The following RAD51B variants were observed in gnomAD, a reference collection of about 807,000 sequenced individuals.
The protein encoded by RAD51B is DNA repair protein RAD51 homolog 2.
A neutral mutation model predicts 42.2 loss-of-function variants in RAD51B; 38 were observed. The observed-to-expected ratio is 0.90, with a 90% CI of 0.70 to 1.18. The LOEUF is 1.18. Among genes scored for constraint, RAD51B ranks in the 50% most tolerant of loss-of-function variants. The pLI is 0.00. For synonymous variants in RAD51B, 154 were observed against 145.2 expected (o/e 1.06, Z -0.43); for missense variants, 373 against 400.7 (o/e 0.93, Z 0.59).
chr14:67,839,712 T>C (rs2041361833), intron 4 of RAD51B, among the ~76,000 whole-genome samples: 1 of 152,028 alleles, frequency 6.6e-6, no homozygotes, highest in Non-Finnish European at 1.5e-5. Context: ...TATCTCCTTT[T>C]ATTTAATTTT....
At chr14:68,201,150 T>G (rs939429123) in intron 7 of RAD51B, among the ~76,000 whole-genome samples, 4 of 152,230 alleles carry the variant, frequency 2.6e-5, no homozygotes, top group African/African-American at 9.6e-5. Context: ...TTGAAATTAT[T>G]TAAGAGAAAA....
At chr14:67,985,208 C>T (rs926089413) in intron 7 of RAD51B, among the ~76,000 whole-genome samples, 2 of 152,192 alleles carry the variant, frequency 1.3e-5, no homozygotes, top group Non-Finnish European at 2.9e-5. Context: ...GCCATATCTC[C>T]TCCTTGTCTT....
At chr14:68,602,166 C>T (rs371764344) in intron 10 of RAD51B, among the ~76,000 whole-genome samples, 74 of 152,146 alleles carry the variant, frequency 4.9e-4, no homozygotes, top group African/African-American at 9.9e-4. Context: ...TTCCGTGGGC[C>T]GCTCCAGCTC....
intron 10 of RAD51B, among the ~76,000 whole-genome samples, chr14:68,547,251 G>GATC (rs1888284589): frequency 2.0e-5 from 3 of 152,184 alleles, no homozygotes; most frequent in African/African-American, 7.2e-5. Context: ...CGTGAGTGCT[G>GATC]ATCATGACCT....
At chr14:68,384,361 T>G (rs1170374171) in intron 8 of RAD51B, among the ~76,000 whole-genome samples, 2 of 152,186 alleles carry the variant, frequency 1.3e-5, no homozygotes, top group African/African-American at 4.8e-5. Flanking sequence ...CAAGGCAGGA[T>G]TTCCCACAAT....
chr14:68,391,150 C>CTTTCTTTCTTTCTT (rs2083743183), intron 8 of RAD51B, among the ~76,000 whole-genome samples: 1 of 150,062 alleles, frequency 6.7e-6, no homozygotes, highest in African/African-American at 2.5e-5. Flanking sequence ...TTCTTTCTTT[C>CTTTCTTTCTTTCTT]TTTCTTTCTT....
Position 68,060,733 on chromosome 14 carries a change from GA to G in RAD51B, c.756+173535del, listed in dbSNP as rs968652651. Among the ~76,000 whole-genome samples the G allele has an allele frequency of 6.9e-4, 105 of 152,140 alleles. 1 individual carries two copies. Among genetic ancestry groups the G allele is most frequent in the African/African-American group, 2.5e-3 (105 of 41,536 alleles). On this transcript the variant is annotated intron_variant, in intron 7 of 10. Coordinates refer to ENST00000471583, the MANE Select transcript of RAD51B (RefSeq NM_133510.4). ...CTGGGCTTATGGTAACGTAATAGGGGAAAAAATGCTTTCAGTTAAAGTAATT... is the reference window on the plus strand; with the variant it reads ...CTGGGCTTATGGTAACGTAATAGGGGAAAAATGCTTTCAGTTAAAGTAATT...
intron 11 of RAD51B, among the ~76,000 whole-genome samples, chr14:68,682,291 T>A (rs968731480): frequency 6.6e-6 from 1 of 152,138 alleles, no homozygotes; most frequent in Non-Finnish European, 1.5e-5. Context: ...GCTAGTCAAC[T>A]TTTCCCATCC....
rs375363562 is a variant in RAD51B, at chr14:68,510,606, G to A, written c.1036+42356G>A. Among the ~76,000 whole-genome samples, 55 of 152,276 alleles carry A rather than the reference G, an allele frequency of 3.6e-4. No individual in the cohort carries two copies. In the South Asian group the frequency reaches 7.7e-3, roughly 21 times the overall value. On this transcript the variant is annotated intron_variant, in intron 10 of 10. Transcript: ENST00000487270. ...TTGGAAAAGAGAATTTCAGTGGCGC[G>A]TCAAAATCCTTTCATCAGCCATCAG...
chr14:68,483,825 T>C (rs1224989214), intron 10 of RAD51B, among the ~76,000 whole-genome samples: 1 of 152,178 alleles, frequency 6.6e-6, no homozygotes, highest in African/African-American at 2.4e-5. Flanking sequence ...ACATAAGAGA[T>C]GAAGGAGGTC....
chr14:67,981,053 A>G (rs1484594369), intron 7 of RAD51B, among the ~76,000 whole-genome samples: 1 of 152,194 alleles, frequency 6.6e-6, no homozygotes, highest in Non-Finnish European at 1.5e-5. Flanking sequence ...CAACAACAAC[A>G]AAAGGTAGAC....
intron 7 of RAD51B, among the ~76,000 whole-genome samples, chr14:68,202,651 T>G (rs1390754921): frequency 6.7e-6 from 1 of 148,236 alleles, no homozygotes; most frequent in Non-Finnish European, 1.5e-5. Context: ...GGTGTGATCT[T>G]GGTTCACCGC....
chr14:68,056,850 G>A (rs978410489), intron 7 of RAD51B, among the ~76,000 whole-genome samples: 3 of 151,940 alleles, frequency 2.0e-5, no homozygotes, highest in African/African-American at 7.2e-5. Flanking sequence ...AAGCTGAGGC[G>A]GGTGGATCAC....
At chr14:68,410,941 C>CA (rs1555405918) in intron 8 of RAD51B, among the ~76,000 whole-genome samples, 7 of 151,250 alleles carry the variant, frequency 4.6e-5, no homozygotes, top group African/African-American at 1.7e-4. Flanking sequence ...GTTGTGTATA[C>CA]GGGGGGGTGG....
intron 8 of RAD51B, among the ~76,000 whole-genome samples, chr14:68,373,710 A>T (rs886700019): frequency 2.0e-5 from 3 of 152,154 alleles, no homozygotes; most frequent in African/African-American, 4.8e-5. Context: ...GGGTGCAGCA[A>T]ACCACCATGG....
In RAD51B at chr14:67,977,738, T is replaced by G. The variant is rs991857132; in HGVS notation, c.756+90534T>G. Among the ~76,000 whole-genome samples the G allele has an allele frequency of 2.0e-5, 3 of 152,374 alleles. 1 individual carries two copies. The South Asian group carries it at 6.2e-4, about 32-fold the overall frequency. On this transcript the variant is annotated intron_variant, in intron 7 of 10. Transcript: ENST00000471583. ...TCAGGTAATGATATCAATCAAAATG[T>G]AAGTACACCTACTGCCTAAAAATAA... is the stretch of plus-strand genomic sequence containing the variant.
At chr14:68,674,910 GC>G (rs1442999424) in intron 11 of RAD51B, among the ~76,000 whole-genome samples, 2 of 152,226 alleles carry the variant, frequency 1.3e-5, no homozygotes, top group Non-Finnish European at 2.9e-5. Context: ...CCGCTGCTCA[GC>G]CTTGGGGGTC....
chr14:68,192,756 G>A (rs2079292418), intron 7 of RAD51B, among the ~76,000 whole-genome samples: 2 of 152,124 alleles, frequency 1.3e-5, no homozygotes, highest in Admixed American at 1.3e-4. Flanking sequence ...TAACTTTTTG[G>A]TTTTAAATCC....
intron 10 of RAD51B, among the ~76,000 whole-genome samples, chr14:68,543,781 C>CAAGT (rs747680192): frequency 6.6e-6 from 1 of 152,180 alleles, no homozygotes; most frequent in Non-Finnish European, 1.5e-5. Flanking sequence ...GTTTTCAAAG[C>CAAGT]AAGTAGCACA....
Sources: allele counts gnomAD v4.1 joint callset (sites outside exome capture counted in the v4.1 genomes callset), GRCh38; gene constraint gnomAD v4.1.1; transcripts MANE v1.5; gene names NCBI Gene and HGNC (gene_info 2026-07-23, HGNC 2026-07-21).